The following KCNJ6 variants were observed in gnomAD, a reference collection of about 807,000 sequenced individuals.
KCNJ6 encodes potassium inwardly rectifying channel subfamily J member 6.
In KCNJ6, 9 loss-of-function variants were observed where a neutral mutation model predicts 34.2. That is an observed-to-expected ratio of 0.26 (90% CI 0.16 to 0.46). KCNJ6 has a LOEUF of 0.46. Among genes scored for constraint, KCNJ6 ranks in the 20% least tolerant of loss-of-function variants. The probability of loss-of-function intolerance (pLI) is 1.00; values close to 1 mark genes in which losing one functional copy is unlikely to be tolerated. For missense variants in KCNJ6, 236 were observed against 531.3 expected, an observed-to-expected ratio of 0.44 and a Z score of 5.46; for synonymous variants, 196 against 207.1, an observed-to-expected ratio of 0.95 and a Z score of 0.46.
chr21:37,651,890 T>C (rs1213756877), intron 3 of KCNJ6, among the ~76,000 whole-genome samples: 2 of 152,132 alleles, frequency 1.3e-5, no homozygotes, highest in African/African-American at 4.8e-5. Context: ...TCAACCACAG[T>C]CTCCATCCTG....
chr21:37,690,493 G>C (rs897340134), intron 3 of KCNJ6, among the ~76,000 whole-genome samples: 1 of 152,164 alleles, frequency 6.6e-6, no homozygotes, highest in African/African-American at 2.4e-5. Context: ...CATTTGTAAT[G>C]GGCATTGCTG....
chr21:37,607,482 A>ATATATATATATATTTTTTTT lies in KCNJ6; in HGVS notation c.*17676_*17677insAAAAAAAATATATATATATA. 15 of 136,764 alleles carry ATATATATATATATTTTTTTT rather than the reference A, an allele frequency of 1.1e-4. No homozygotes were observed. The highest frequency in any genetic ancestry group is 1.9e-4 in the Non-Finnish European group (12 of 64,768). The allele number at this position is 136,764 out of a possible 1,614,324, so 8.5% of individuals were successfully genotyped here. A position where few individuals can be genotyped will look rare whatever the true frequency, so the allele number is the denominator to read the frequency against. On this transcript the variant is annotated 3_prime_UTR_variant, in exon 4 of 4. Coordinates refer to ENST00000609713, the MANE Select transcript of KCNJ6 (RefSeq NM_002240.5). ...CTTAAAGATATATATATATATATATATTTTTTTTTTATTTTAAAAAAATTT... is the reference window on the plus strand; with the variant it reads ...CTTAAAGATATATATATATATATATATATATATATATATTTTTTTTTTTTTTTTTTATTTTAAAAAAATTT...
chr21:37,685,551 A>G (rs7282818), intron 3 of KCNJ6, among the ~76,000 whole-genome samples: 19,530 of 22,508 alleles, frequency 0.87, 8,548 homozygotes, highest in South Asian at 0.94. Context: ...CGTGGCGCGT[A>G]TGCCTGTAGT....
At chr21:37,717,529 C>A (rs574387961) in intron 2 of KCNJ6, among the ~76,000 whole-genome samples, 3 of 152,218 alleles carry the variant, frequency 2.0e-5, no homozygotes, top group Admixed American at 6.5e-5. Context: ...GCCGCTACCC[C>A]CTACATGGCA....
chr21:37,796,265 T>C (rs182172525), intron 2 of KCNJ6, among the ~76,000 whole-genome samples: 4 of 152,216 alleles, frequency 2.6e-5, no homozygotes, highest in Admixed American at 6.5e-5. Flanking sequence ...GCCTTCGCTC[T>C]GCCTGTTCTT....
intron 3 of KCNJ6, among the ~76,000 whole-genome samples, chr21:37,685,680 CCAAAAAAAAAAAAA>C (rs1327157361): frequency 5.7e-5 from 1 of 17,460 alleles, no homozygotes; most frequent in Non-Finnish European, 2.9e-4. Context: ...GACTCTGTCT[CCAAAAAAAAAAAAA>C]AAAAAAAAAA....
intron 1 of KCNJ6, among the ~76,000 whole-genome samples, chr21:37,853,847 T>TGTATATATATATATATATATATATAC (rs1555850321): frequency 2.0e-4 from 8 of 40,162 alleles, no homozygotes; most frequent in African/African-American, 4.9e-4. Flanking sequence ...TATATATATG[T>TGTATATATATATATATATATATATAC]ATATATATAT....
At chr21:37,635,588 C>T (rs1601397065) in intron 3 of KCNJ6, among the ~76,000 whole-genome samples, 1 of 152,092 alleles carries the variant, frequency 6.6e-6, no homozygotes, top group Non-Finnish European at 1.5e-5. Context: ...AAGATCTTGG[C>T]TCACTGCAGC....
intron 2 of KCNJ6, among the ~76,000 whole-genome samples, chr21:37,753,098 C>T (rs775132745): frequency 9.2e-5 from 14 of 152,162 alleles, no homozygotes; most frequent in African/African-American, 3.4e-4. Flanking sequence ...GCGAGACGGC[C>T]GCATGGAAAG....
At chr21:37,828,645 G>A (rs2055410338) in intron 2 of KCNJ6, among the ~76,000 whole-genome samples, 2 of 152,228 alleles carry the variant, frequency 1.3e-5, no homozygotes, top group Admixed American at 1.3e-4. Context: ...GAGGCCCATG[G>A]CTCTGCGTGG....
At chr21:37,770,339 T>C (rs1568842367) in intron 2 of KCNJ6, among the ~76,000 whole-genome samples, 1 of 151,914 alleles carries the variant, frequency 6.6e-6, no homozygotes, top group Admixed American at 6.5e-5. Flanking sequence ...GGAGGTGCTC[T>C]ACACTCTAAA....
intron 3 of KCNJ6, among the ~76,000 whole-genome samples, chr21:37,692,641 A>G (rs1205788395): frequency 6.6e-6 from 1 of 152,180 alleles, no homozygotes; most frequent in African/African-American, 2.4e-5. Context: ...CTGCTCTCTG[A>G]AATAGAGTTT....
chr21:37,839,715 A>G (rs1385219422), intron 2 of KCNJ6, among the ~76,000 whole-genome samples: 1 of 152,214 alleles, frequency 6.6e-6, no homozygotes, highest in Non-Finnish European at 1.5e-5. Flanking sequence ...TCATATTCAT[A>G]TGGTCTTTAA....
intron 2 of KCNJ6, among the ~76,000 whole-genome samples, chr21:37,822,082 T>A (rs117088162): frequency 1.7e-3 from 266 of 152,272 alleles, no homozygotes; most frequent in South Asian, 5.8e-3. Context: ...GTGAGCCAGG[T>A]TGAACTGAAC....
chr21:37,655,225 GAGAGAGAGAGAGAGA>G lies in KCNJ6; in HGVS notation c.947-29756_947-29742del, dbSNP rs2054456505. Among the ~76,000 whole-genome samples the G allele has an allele frequency of 4.4e-3, 8 of 1,826 alleles. 1 individual carries two copies. The highest frequency in any genetic ancestry group is 0.015 in the African/African-American group (6 of 400). The allele number at this position is 1,826 out of a possible 152,430, so 1.2% of individuals were successfully genotyped here. On this transcript the variant is annotated intron_variant, in intron 3 of 3. Coordinates refer to ENST00000609713, the MANE Select transcript of KCNJ6 (RefSeq NM_002240.5). The stretch of plus-strand genomic sequence containing the variant: ...TGTGTGTGTGTGTGTGTGTGTGTGT[GAGAGAGAGAGAGAGA>G]GAGAGAGAGAGAGAGAGAGAGAGAG...
chr21:37,841,169 C>T (rs2055478988), intron 1 of KCNJ6, among the ~76,000 whole-genome samples: 1 of 151,948 alleles, frequency 6.6e-6, no homozygotes, highest in Non-Finnish European at 1.5e-5. Context: ...TTTTTGGGTT[C>T]CTGGAGCCTT....
intron 2 of KCNJ6, among the ~76,000 whole-genome samples, chr21:37,763,437 C>T (rs1165162815): frequency 6.6e-6 from 1 of 152,228 alleles, no homozygotes; most frequent in African/African-American, 2.4e-5. Flanking sequence ...CAGAGCTCGG[C>T]CCTTCCCCAC....
At chr21:37,799,847 T>G (rs1254508881) in intron 2 of KCNJ6, among the ~76,000 whole-genome samples, 1 of 152,202 alleles carries the variant, frequency 6.6e-6, no homozygotes, top group Admixed American at 6.5e-5. Flanking sequence ...ACAATAGATT[T>G]GTCTTCCTGG....
At chr21:37,631,676 G>A (rs1266504976) in intron 3 of KCNJ6, among the ~76,000 whole-genome samples, 2 of 152,090 alleles carry the variant, frequency 1.3e-5, no homozygotes, top group Admixed American at 6.5e-5. Flanking sequence ...TGGCCCCAGT[G>A]TAGAACTGGG....
Sources: allele counts gnomAD v4.1 joint callset (sites outside exome capture counted in the v4.1 genomes callset), GRCh38; gene constraint gnomAD v4.1.1; transcripts MANE v1.5; gene names NCBI Gene and HGNC (gene_info 2026-07-23, HGNC 2026-07-21).